PTS: variants seen among roughly 807,000 people sequenced by gnomAD.
The protein encoded by PTS is 6-pyruvoyl tetrahydrobiopterin synthase.
PTS carries 23 observed loss-of-function variants against 20.6 expected under a neutral mutation model. That is an observed-to-expected ratio of 1.12 (90% CI 0.80 to 1.58). The LOEUF is 1.58. Among genes scored for constraint, PTS ranks in the 40% most tolerant of loss-of-function variants. The pLI is 0.00. For missense variants in PTS, 186 were observed against 182.4 expected, an observed-to-expected ratio of 1.02 and a Z score of -0.11; for synonymous variants, 65 against 62.5, an observed-to-expected ratio of 1.04 and a Z score of -0.19.
chr11:112,228,541 G>C, intron 1 of PTS, 53 bp from the exon 2 acceptor site: 2 of 1,420,522 alleles, frequency 1.4e-6, no homozygotes, highest in Non-Finnish European at 9.8e-7. Flanking sequence ...CAGAGAAGGG[G>C]GTTTGAATGT....
chr11:112,228,571 CTTT>C lies in PTS; in HGVS notation c.84-9_84-7del, dbSNP rs368800549. The C allele has an allele frequency of 7.2e-4, 981 of 1,363,258 alleles. No homozygotes were observed. Among genetic ancestry groups the C allele is most frequent in the Non-Finnish European group, 8.3e-4 (829 of 993,470 alleles). 84.4% of individuals were successfully genotyped at this position (1,363,258 alleles called of 1,614,324 possible). Reference sequence around the variant, plus strand: ...GAATGTGATACTTGTGTCATGCTGACTTTTTTTTTTTTTTTTGGTCAGTAAATT... The same window carrying C: ...GAATGTGATACTTGTGTCATGCTGACTTTTTTTTTTTTTGGTCAGTAAATT... On this transcript the variant is annotated intron_variant, in intron 1 of 5. Transcript: ENST00000280362.
rs1859972396 is a variant in PTS at position 112,233,523 on chromosome 11, G to A, written c.406G>A (p.Asp136Asn). ...VLYKVKVYET[D>N]NNIVVYKGE ...TTATAAAGTAAAAGTATACGAAACT[G>A]ACAATAATATTGTGGTTTATAAAGG... The change falls in exon 6 of 6, where the codon GAC (aspartate) becomes AAC (asparagine). Residue 136 changes from aspartate to asparagine, a missense_variant. Asp to Asn is a conservative substitution (Grantham distance 23). Coordinates refer to ENST00000280362, the MANE Select transcript of PTS (RefSeq NM_000317.3). 3 of 1,613,504 alleles carry A rather than the reference G, an allele frequency of 1.9e-6. No individual in the cohort carries two copies. Among genetic ancestry groups the A allele is most frequent in the African/African-American group, 2.7e-5 (2 of 74,968 alleles).
At chr11:112,232,400 A>G (rs890009479) in intron 4 of PTS, among the ~76,000 whole-genome samples, 17 of 152,202 alleles carry the variant, frequency 1.1e-4, no homozygotes, top group Admixed American at 9.8e-4. Context: ...TGTTTGATCT[A>G]GGACTTACTC....
chr11:112,226,640 C>T (rs1001118073), intron 1 of PTS, 114 bp downstream of exon 1: 3 of 794,016 alleles, frequency 3.8e-6, no homozygotes, highest in Non-Finnish European at 1.7e-6. Flanking sequence ...GCGGGGGCTG[C>T]TGGGGCGACG....
intron 3 of PTS, 174 bp downstream of exon 3, chr11:112,230,404 G>T: frequency 1.1e-6 from 1 of 874,912 alleles, no homozygotes; most frequent in Non-Finnish European, 1.9e-6. Flanking sequence ...CCAAAGTGTT[G>T]TCTTTAATAT....
intron 1 of PTS, 131 bp downstream of exon 1, chr11:112,226,657 G>C: frequency 1.6e-6 from 1 of 622,398 alleles, no homozygotes; most frequent in Non-Finnish European, 2.4e-6. Context: ...GACGCGCGCT[G>C]GTCGGCTTCG....
rs556771369 is a variant in PTS, at chr11:112,227,664, G to A, written c.84-930G>A. Among the ~76,000 whole-genome samples, 14 of 151,906 alleles carry A rather than the reference G, an allele frequency of 9.2e-5. No homozygotes were observed. The East Asian group carries it at 1.6e-3, about 17-fold the overall frequency. On this transcript the variant is annotated intron_variant, in intron 1 of 5. Coordinates refer to ENST00000280362, the MANE Select transcript of PTS (RefSeq NM_000317.3). Reference sequence around the variant, plus strand: ...GAGGGAGCAAGAGAGAGGAGAGGAGGTGCCAGGCTTTTTTTAACAACCAGC... The same window carrying A: ...GAGGGAGCAAGAGAGAGGAGAGGAGATGCCAGGCTTTTTTTAACAACCAGC...
At position 112,228,650 on chromosome 11, in the gene PTS, A is replaced by G; in HGVS notation, c.140A>G (p.Asn47Ser). The G allele has an allele frequency of 6.2e-7, 1 of 1,612,932 alleles. No homozygotes were observed. Among genetic ancestry groups the G allele is most frequent in the Non-Finnish European group, 8.5e-7 (1 of 1,179,776 alleles). ...CTGTTTGGGAAATGCAACAATCCAA[A>G]TGGCCATGGGCACAATTATAAAGGT... ...LKLFGKCNNPNGHGHNYKVVV... is the reference protein window; with the variant it reads ...LKLFGKCNNPSGHGHNYKVVV... The change falls in exon 2 of 6, where the codon AAT becomes AGT. Residue 47 changes from asparagine to serine, a missense_variant. Physicochemically the swap from Asn to Ser is conservative, Grantham distance 46. Transcript: ENST00000280362.
intron 4 of PTS, among the ~76,000 whole-genome samples, chr11:112,232,935 C>T (rs888147335): frequency 2.0e-5 from 3 of 152,180 alleles, no homozygotes; most frequent in Admixed American, 6.5e-5. Context: ...GGTTTCTCAC[C>T]TCTTTTTATT....
intron 1 of PTS, chr11:112,228,345 G>T: frequency 1.9e-6 from 1 of 537,220 alleles, no homozygotes; most frequent in Non-Finnish European, 3.3e-6. Flanking sequence ...TGGAACAAGG[G>T]GGTTGAAGTT....
chr11:112,233,610 T>C lies in PTS; in HGVS notation c.*55T>C. 2 of 1,609,298 alleles carry C rather than the reference T, an allele frequency of 1.2e-6. No homozygotes were observed. The highest frequency in any genetic ancestry group is 2.2e-5 in the South Asian group (2 of 90,140). ...GTTTCTTTCTGTGTTTGAAAAAGAT[T>C]TTGATCCCCTTGGAATATTAAGAGG... On this transcript the variant is annotated 3_prime_UTR_variant, in exon 6 of 6. Coordinates refer to ENST00000280362, the MANE Select transcript of PTS (RefSeq NM_000317.3).
Position 112,233,563 on chromosome 11 carries a change from G to A in PTS, c.*8G>A. Reference sequence around the variant, plus strand: ...GTTTATAAAGGAGAATAGCTATTGGGGTTAGCATTGCACAAAGCCCAGTTT... The same window carrying A: ...GTTTATAAAGGAGAATAGCTATTGGAGTTAGCATTGCACAAAGCCCAGTTT... On this transcript the variant is annotated 3_prime_UTR_variant, in exon 6 of 6. Transcript: ENST00000280362. 6.2e-7 allele frequency: 1 copy of A among 1,613,342 alleles called. No homozygotes were observed. Among genetic ancestry groups the A allele is most frequent in the South Asian group, 1.1e-5 (1 of 90,934 alleles).
At chr11:112,230,271 G>A in intron 3 of PTS, 41 bp downstream of exon 3, 1 of 1,599,068 alleles carries the variant, frequency 6.3e-7, no homozygotes, top group Non-Finnish European at 8.6e-7. Context: ...GCAGATTGCT[G>A]GGCTCTCTTT....
intron 2 of PTS, chr11:112,229,049 C>T (rs916419205): frequency 4.4e-6 from 1 of 226,154 alleles, no homozygotes; most frequent in African/African-American, 2.3e-5. Flanking sequence ...TAATGTATGG[C>T]AGAAAAATAG....
intron 1 of PTS, 88 bp from the exon 2 acceptor site, chr11:112,228,506 C>G: frequency 1.8e-6 from 2 of 1,125,004 alleles, no homozygotes; most frequent in East Asian, 2.5e-5. Flanking sequence ...TTTCAAAGAT[C>G]AGTACAAATA....
Position 112,233,782 on chromosome 11 carries a change from A to G in PTS, c.*227A>G. The G allele has an allele frequency of 7.0e-6, 3 of 428,986 alleles. No individual in the cohort carries two copies. 26.6% of individuals were successfully genotyped at this position (428,986 alleles called of 1,614,324 possible). On this transcript the variant is annotated 3_prime_UTR_variant, in exon 6 of 6. Coordinates refer to ENST00000280362, the MANE Select transcript of PTS (RefSeq NM_000317.3). ...ATCATTTAGAGAGTCTTTTATTTAT[A>G]AATTAAAAATCACTTCATTTTCACA...
chr11:112,233,054 TTTAG>T, intron 4 of PTS, 105 bp from the exon 5 acceptor site: 1 of 1,052,778 alleles, frequency 9.5e-7, no homozygotes. Flanking sequence ...CTTACAAATA[TTTAG>T]TTAGTGGCTA....
rs750361483 is a variant in PTS at position 112,233,415 on chromosome 11, GT to G, written c.315-8del. ...TGCATTTTGAATTTTTTTTGTTTTT[GT>G]TTTTTTTTCTTATAGCACGACTGAA... On this transcript the variant is annotated splice_polypyrimidine_tract_variant and intron_variant, in intron 5 of 5. Coordinates refer to ENST00000280362, the MANE Select transcript of PTS (RefSeq NM_000317.3). The G allele has an allele frequency of 1.7e-5, 27 of 1,560,130 alleles. No individual in the cohort carries two copies. The highest frequency in any genetic ancestry group is 5.6e-5 in the Admixed American group (3 of 53,404).
At chr11:112,230,040 C>A in intron 2 of PTS, 168 bp from the exon 3 acceptor site, 1 of 711,564 alleles carries the variant, frequency 1.4e-6, no homozygotes. Flanking sequence ...AAAAAAAAAT[C>A]TTAACTAAAA....
Sources: allele counts gnomAD v4.1 joint callset (sites outside exome capture counted in the v4.1 genomes callset), GRCh38; gene constraint gnomAD v4.1.1; transcripts MANE v1.5; gene names NCBI Gene and HGNC (gene_info 2026-07-23, HGNC 2026-07-21).